Variants in LNPEP observed in about 807,000 individuals in gnomAD.
The protein encoded by LNPEP is leucyl and cystinyl aminopeptidase.
Under a neutral mutation model 120.6 loss-of-function variants are expected in LNPEP, and 64 were observed. That is an observed-to-expected ratio of 0.53 (90% CI 0.43 to 0.65). The LOEUF (loss-of-function observed/expected upper bound fraction) is 0.65, where lower values mean the gene tolerates loss of function less well. LNPEP is among the 30% of genes least tolerant of loss of function. The pLI is 0.00. For missense variants in LNPEP, 1,057 were observed against 1,200.0 expected, an observed-to-expected ratio of 0.88 and a Z score of 1.76; for synonymous variants, 435 against 425.4, an observed-to-expected ratio of 1.02 and a Z score of -0.28.
At chr5:96,972,815 T>A (rs527992506) in intron 1 of LNPEP, among the ~76,000 whole-genome samples, 2 of 152,266 alleles carry the variant, frequency 1.3e-5, no homozygotes, top group South Asian at 4.1e-4. Flanking sequence ...GACTGAATCA[T>A]TGCTCGCTGA....
At position 97,030,786 on chromosome 5, in the gene LNPEP, A is replaced by G. The variant is rs1181979033; in HGVS notation, c.*2253A>G. The G allele has an allele frequency of 6.6e-6, 1 of 151,928 alleles. No individual in the cohort carries two copies. The highest frequency in any genetic ancestry group is 2.4e-5 in the African/African-American group (1 of 41,330). 9.4% of individuals were successfully genotyped at this position (151,928 alleles called of 1,614,324 possible). A position where few individuals can be genotyped will look rare whatever the true frequency, so the allele number is the denominator to read the frequency against. ...AGGCTGTTCATTCCCATAATACCAG[A>G]TCCATAATAGTTGTAGTTTTTTTGA... On this transcript the variant is annotated 3_prime_UTR_variant, in exon 18 of 18. Transcript: ENST00000231368.
At chr5:96,966,508 TTGTGTG>T (rs375861296) in intron 1 of LNPEP, among the ~76,000 whole-genome samples, 5,968 of 133,328 alleles carry the variant, frequency 0.045, 194 homozygotes, top group East Asian at 0.13. Flanking sequence ...TTACATATAT[TTGTGTG>T]TGTGTGTGTG....
intron 11 of LNPEP, among the ~76,000 whole-genome samples, chr5:97,007,188 C>G (rs569808416): frequency 1.3e-5 from 2 of 152,218 alleles, no homozygotes; most frequent in South Asian, 4.1e-4. Context: ...CTGTAGGACC[C>G]GTTAGTGATG....
rs143302561 is a variant in LNPEP, at chr5:96,953,558, G to A, written c.19+17384G>A. On this transcript the variant is annotated intron_variant, in intron 1 of 17. Transcript: ENST00000231368. Reference sequence around the variant, plus strand: ...TGTTTATGCCGTAGAATACAATGACGTACAAAAGGACATTCACTCCCTGCA... The same window carrying A: ...TGTTTATGCCGTAGAATACAATGACATACAAAAGGACATTCACTCCCTGCA... 1.6e-3 allele frequency among the ~76,000 whole-genome samples: 243 copies of A among 152,176 alleles called. 1 individual carries two copies. Among genetic ancestry groups the A allele is most frequent in the Middle Eastern group, 0.014 (4 of 294 alleles).
intron 1 of LNPEP, among the ~76,000 whole-genome samples, chr5:96,944,882 T>G (rs890039756): frequency 6.6e-6 from 1 of 152,024 alleles, no homozygotes; most frequent in Non-Finnish European, 1.5e-5. Flanking sequence ...ATTCAAAGAT[T>G]TTCTGATTGG....
chr5:96,948,158 C>A (rs2112563856), intron 1 of LNPEP, among the ~76,000 whole-genome samples: 1 of 150,428 alleles, frequency 6.6e-6, no homozygotes, highest in Admixed American at 6.6e-5. Flanking sequence ...TGCTCTGTCT[C>A]CCAGGCTGGA....
At chr5:96,964,165 T>C (rs961884404) in intron 1 of LNPEP, among the ~76,000 whole-genome samples, 1 of 152,026 alleles carries the variant, frequency 6.6e-6, no homozygotes, top group African/African-American at 2.4e-5. Context: ...GGTATTTGTC[T>C]TTCTGTGTCT....
chr5:96,989,575 A>T (rs1439681106), intron 4 of LNPEP, among the ~76,000 whole-genome samples: 1 of 151,196 alleles, frequency 6.6e-6, no homozygotes, highest in South Asian at 2.1e-4. Context: ...TTTGAAAGAG[A>T]TCTGTCAAGA....
At chr5:97,009,980 T>A (rs907621921) in intron 11 of LNPEP, among the ~76,000 whole-genome samples, 4 of 152,202 alleles carry the variant, frequency 2.6e-5, no homozygotes, top group Non-Finnish European at 5.9e-5. Context: ...AAATATATTT[T>A]CATGTGTTCT....
intron 3 of LNPEP, among the ~76,000 whole-genome samples, chr5:96,985,561 T>C (rs1790221426): frequency 6.6e-6 from 1 of 152,134 alleles, no homozygotes; most frequent in Non-Finnish European, 1.5e-5. Flanking sequence ...TCTAAACTGT[T>C]ATTTGAGAGT....
In LNPEP at chr5:97,011,015, T is replaced by C. The variant is rs940020333; in HGVS notation, c.2036-2633T>C. On this transcript the variant is annotated intron_variant, in intron 11 of 17. Transcript: ENST00000231368. Reference sequence around the variant, plus strand: ...ATGACAGTAATAATTTCAAGTATATTCCCAGCTGTGTCCCTCCTCTTTACC... The same window carrying C: ...ATGACAGTAATAATTTCAAGTATATCCCCAGCTGTGTCCCTCCTCTTTACC... 2.0e-5 allele frequency: 20 copies of C among 985,268 alleles called. 1 individual carries two copies. In the African/African-American group the frequency reaches 2.6e-4, roughly 13 times the overall value. 61.0% of individuals were successfully genotyped at this position (985,268 alleles called of 1,614,324 possible). A position where few individuals can be genotyped will look rare whatever the true frequency, so the allele number is the denominator to read the frequency against.
At chr5:97,015,859 A>G (rs1044482059) in intron 13 of LNPEP, among the ~76,000 whole-genome samples, 3 of 152,086 alleles carry the variant, frequency 2.0e-5, no homozygotes, top group African/African-American at 7.2e-5. Flanking sequence ...TGGTATTCTC[A>G]TTGGTGAAAG....
rs1358386256 is a variant in LNPEP, at chr5:97,030,739, C to T, written c.*2206C>T. ...CCTGAAAAAGAGATAACTCATGATC[C>T]ATTGCTATCTTTATTACTCAAAGGC... On this transcript the variant is annotated 3_prime_UTR_variant, in exon 18 of 18. Transcript: ENST00000231368. 2 of 147,852 alleles carry T rather than the reference C, an allele frequency of 1.4e-5. No homozygotes were observed. The highest frequency in any genetic ancestry group is 5.0e-5 in the African/African-American group (2 of 40,136). The allele number at this position is 147,852 out of a possible 1,614,324, so 9.2% of individuals were successfully genotyped here. A position where few individuals can be genotyped will look rare whatever the true frequency, so the allele number is the denominator to read the frequency against.
At chr5:96,983,867 A>G (rs1790182388) in intron 2 of LNPEP, among the ~76,000 whole-genome samples, 1 of 152,166 alleles carries the variant, frequency 6.6e-6, no homozygotes, top group East Asian at 1.9e-4. Flanking sequence ...CAGGACACCT[A>G]ATTTTTTCAA....
chr5:96,954,900 G>A (rs1232675333), intron 1 of LNPEP, among the ~76,000 whole-genome samples: 1 of 144,286 alleles, frequency 6.9e-6, no homozygotes, highest in African/African-American at 2.6e-5. Flanking sequence ...CTCCTGCCTC[G>A]GCCTCCGGAG....
chr5:97,015,102 C>A lies in LNPEP; in HGVS notation c.2376+7C>A. On this transcript the variant is annotated splice_region_variant and intron_variant, in intron 13 of 17. Coordinates refer to ENST00000231368, the MANE Select transcript of LNPEP (RefSeq NM_005575.3). ...TCTGGCCTCAAGACTGGTGGTAAGT[C>A]TGCCTTTTTGCCAGCTTCTTGCTGT... The A allele has an allele frequency of 6.6e-7, 1 of 1,524,426 alleles. No individual in the cohort carries two copies. The highest frequency in any genetic ancestry group is 8.8e-7 in the Non-Finnish European group (1 of 1,138,132). 94.4% of individuals were successfully genotyped at this position (1,524,426 alleles called of 1,614,324 possible).
At chr5:97,004,240 C>G (rs1051118637) in intron 9 of LNPEP, among the ~76,000 whole-genome samples, 1 of 152,088 alleles carries the variant, frequency 6.6e-6, no homozygotes, top group East Asian at 1.9e-4. Context: ...TTTGACTGAG[C>G]GTGGTGGCTC....
chr5:97,027,884 T>G, intron 17 of LNPEP, 70 bp downstream of exon 17: 1 of 881,906 alleles, frequency 1.1e-6, no homozygotes, highest in Non-Finnish European at 1.9e-6. Context: ...CTGCTCAGTT[T>G]TAGTGAGATG....
chr5:97,002,801 C>G (rs27307), intron 8 of LNPEP, among the ~76,000 whole-genome samples: 100,172 of 152,034 alleles, frequency 0.66, 33,438 homozygotes, highest in African/African-American at 0.76. Flanking sequence ...TTCAGGATTG[C>G]GAATGATGAC....
Sources: gnomAD v4.1 joint callset for allele counts (sites outside exome capture counted in the v4.1 genomes callset) on GRCh38, gnomAD v4.1.1 for gene constraint, MANE v1.5 for transcripts, NCBI Gene and HGNC (gene_info 2026-07-23, HGNC 2026-07-21) for gene names.